LIMA1: variants seen among roughly 807,000 people sequenced by gnomAD.
The protein encoded by LIMA1 is LIM domain and actin-binding protein 1.
LIMA1 carries 52 observed loss-of-function variants against 62.6 expected under a neutral mutation model. The observed-to-expected ratio is 0.83, with a 90% CI of 0.67 to 1.05. The LOEUF (loss-of-function observed/expected upper bound fraction) is 1.05. Among genes scored for constraint, LIMA1 ranks in the 50% least tolerant of loss-of-function variants. LIMA1 has a pLI of 0.00. For missense variants in LIMA1, 780 were observed against 902.2 expected (o/e 0.86, Z 1.74); for synonymous variants, 302 against 317.8 (o/e 0.95, Z 0.53).
intron 1 of LIMA1, among the ~76,000 whole-genome samples, chr12:50,259,157 A>G (rs1190172446): frequency 1.3e-5 from 2 of 152,170 alleles, no homozygotes; most frequent in South Asian, 2.1e-4. Context: ...GATACACCGT[A>G]TATTTTTTTC....
intron 1 of LIMA1, among the ~76,000 whole-genome samples, chr12:50,267,390 AT>A (rs1004987000): frequency 2.1e-5 from 3 of 146,026 alleles, no homozygotes; most frequent in African/African-American, 5.1e-5. Flanking sequence ...TAATTTTTGT[AT>A]TTTTTTTTAG....
intron 1 of LIMA1, among the ~76,000 whole-genome samples, chr12:50,254,834 T>A (rs1344812388): frequency 6.6e-6 from 1 of 150,474 alleles, no homozygotes; most frequent in Non-Finnish European, 1.5e-5. Context: ...CTTAGGTGAG[T>A]GGATCACTTA....
chr12:50,179,428 C>T (rs1197295820), intron 10 of LIMA1, among the ~76,000 whole-genome samples: 1 of 149,292 alleles, frequency 6.7e-6, no homozygotes, highest in East Asian at 2.0e-4. Flanking sequence ...GCGTGAGCCA[C>T]CACGCCCAGC....
chr12:50,242,245 C>T (rs1941788466), intron 2 of LIMA1, among the ~76,000 whole-genome samples: 1 of 151,948 alleles, frequency 6.6e-6, no homozygotes, highest in Non-Finnish European at 1.5e-5. Context: ...AAAATTTCAC[C>T]ACTAAAATGT....
At chr12:50,273,073 T>C (rs1196026227) in intron 1 of LIMA1, among the ~76,000 whole-genome samples, 1 of 151,202 alleles carries the variant, frequency 6.6e-6, no homozygotes, top group Admixed American at 6.6e-5. Flanking sequence ...AAGAATTGGT[T>C]ATAAACATTT....
At chr12:50,193,495 TATC>T (rs1461990496) in intron 8 of LIMA1, among the ~76,000 whole-genome samples, 1 of 135,434 alleles carries the variant, frequency 7.4e-6, no homozygotes. Context: ...AGTATATATA[TATC>T]ATATATGTGT....
intron 1 of LIMA1, among the ~76,000 whole-genome samples, chr12:50,275,046 ATATATTT>A: frequency 6.6e-6 from 1 of 152,152 alleles, no homozygotes; most frequent in African/African-American, 2.4e-5. Flanking sequence ...GCAAGATCAG[ATATATTT>A]CATGTACTAA....
intron 2 of LIMA1, among the ~76,000 whole-genome samples, chr12:50,239,827 C>T (rs1941747259): frequency 6.6e-6 from 1 of 151,068 alleles, no homozygotes; most frequent in African/African-American, 2.4e-5. Flanking sequence ...GAGACCCCAT[C>T]TCTTAAAAAA....
chr12:50,203,788 C>T (rs1941101441), intron 6 of LIMA1, among the ~76,000 whole-genome samples: 1 of 152,164 alleles, frequency 6.6e-6, no homozygotes. Flanking sequence ...TACTATTCTA[C>T]TTCTTTAGGA....
intron 1 of LIMA1, among the ~76,000 whole-genome samples, chr12:50,270,960 C>T (rs911779169): frequency 5.3e-5 from 8 of 152,040 alleles, no homozygotes; most frequent in Non-Finnish European, 8.8e-5. Flanking sequence ...GGCGTGGTGG[C>T]GGGTGCCTAT....
rs373143376 is a variant in LIMA1 at position 50,179,828 on chromosome 12, C to T, written c.1275-1759G>A. Among the ~76,000 whole-genome samples the T allele has an allele frequency of 9.2e-5, 14 of 151,850 alleles. No homozygotes were observed. The East Asian group carries it at 2.7e-3, about 30-fold the overall frequency. On this transcript the variant is annotated intron_variant, in intron 10 of 10. Coordinates refer to ENST00000341247, the MANE Select transcript of LIMA1 (RefSeq NM_016357.5). ...TGATCATAGCTCACTGCAGCCTTGA[C>T]CTCCAGGGCTCAAGTGATCCTCCAG...
chr12:50,271,190 G>A (rs1360674707), intron 1 of LIMA1, among the ~76,000 whole-genome samples: 1 of 152,200 alleles, frequency 6.6e-6, no homozygotes, highest in Non-Finnish European at 1.5e-5. Context: ...AGGATCACTT[G>A]AGCCCAGGAG....
At chr12:50,194,814 G>A (rs1191759335) in intron 8 of LIMA1, among the ~76,000 whole-genome samples, 1 of 152,054 alleles carries the variant, frequency 6.6e-6, no homozygotes, top group Non-Finnish European at 1.5e-5. Context: ...TTGTGAGGCC[G>A]AGGCGGGTGG....
At chr12:50,229,105 C>A (rs1238758295) in intron 3 of LIMA1, among the ~76,000 whole-genome samples, 2 of 152,230 alleles carry the variant, frequency 1.3e-5, no homozygotes, top group Non-Finnish European at 2.9e-5. Flanking sequence ...TGCTACTACT[C>A]TAGTCCAAAC....
chr12:50,194,013 A>G (rs1457738074), intron 8 of LIMA1, among the ~76,000 whole-genome samples: 1 of 136,314 alleles, frequency 7.3e-6, no homozygotes, highest in Admixed American at 7.8e-5. Context: ...TTTGAGATGG[A>G]TTTTCACTCT....
intron 2 of LIMA1, among the ~76,000 whole-genome samples, chr12:50,245,232 T>C (rs959080977): frequency 4.0e-5 from 6 of 151,390 alleles, no homozygotes; most frequent in South Asian, 4.2e-4. Context: ...CTGGGCAACA[T>C]AGTGAGACGC....
chr12:50,190,559 T>C (rs1940737322), intron 9 of LIMA1, among the ~76,000 whole-genome samples: 1 of 147,086 alleles, frequency 6.8e-6, no homozygotes, highest in African/African-American at 2.5e-5. Flanking sequence ...TTTGTACTTT[T>C]AGTAGAGATG....
chr12:50,262,299 T>C (rs956616466), intron 1 of LIMA1, among the ~76,000 whole-genome samples: 40 of 152,152 alleles, frequency 2.6e-4, no homozygotes, highest in African/African-American at 7.5e-4. Context: ...GGTCACAAAT[T>C]TGAGTGTACA....
intron 7 of LIMA1, among the ~76,000 whole-genome samples, chr12:50,197,014 C>A (rs1184843732): frequency 1.3e-5 from 2 of 151,904 alleles, no homozygotes; most frequent in Non-Finnish European, 2.9e-5. Context: ...TACCTCCATC[C>A]CAGGATGTTC....
Sources: gnomAD v4.1 joint callset for allele counts (sites outside exome capture counted in the v4.1 genomes callset) on GRCh38, gnomAD v4.1.1 for gene constraint, MANE v1.5 for transcripts, NCBI Gene and HGNC (gene_info 2026-07-23, HGNC 2026-07-21) for gene names.